NBEA: variants seen among roughly 807,000 people sequenced by gnomAD.
NBEA encodes the protein neurobeachin.
Under a neutral mutation model 343.4 loss-of-function variants are expected in NBEA, and 44 were observed. The observed-to-expected ratio is 0.13, with a 90% CI of 0.10 to 0.16. NBEA has a LOEUF of 0.16. NBEA is among the 10% of genes least tolerant of loss of function. The probability of loss-of-function intolerance (pLI) is 1.00; values close to 1 mark genes in which losing one functional copy is unlikely to be tolerated. For missense variants in NBEA, 2,555 were observed against 3,631.3 expected (o/e 0.70, Z 7.62); for synonymous variants, 1,175 against 1,238.7 (o/e 0.95, Z 1.08).
intron 10 of NBEA, among the ~76,000 whole-genome samples, chr13:35,077,005 T>G (rs2064150864): frequency 6.6e-6 from 1 of 152,076 alleles, no homozygotes. Context: ...CCAGAATACT[T>G]TTAATAGATT....
intron 44 of NBEA, among the ~76,000 whole-genome samples, chr13:35,559,070 T>G (rs1194992309): frequency 6.6e-6 from 1 of 152,208 alleles, no homozygotes. Flanking sequence ...ATTCTTCCTT[T>G]GCTATCATCC....
intron 51 of NBEA, among the ~76,000 whole-genome samples, chr13:35,647,240 T>G (rs2084279919): frequency 6.6e-6 from 1 of 152,234 alleles, no homozygotes; most frequent in East Asian, 1.9e-4. Flanking sequence ...TTTTTAAAAC[T>G]GATTTTTCAC....
At chr13:35,167,922 A>G (rs1275145162) in intron 24 of NBEA, among the ~76,000 whole-genome samples, 1 of 151,886 alleles carries the variant, frequency 6.6e-6, no homozygotes, top group African/African-American at 2.4e-5. Flanking sequence ...AGCTTAATTC[A>G]GGGCTTAATT....
At chr13:35,429,731 T>C (rs999095786) in intron 38 of NBEA, among the ~76,000 whole-genome samples, 1 of 151,862 alleles carries the variant, frequency 6.6e-6, no homozygotes, top group Non-Finnish European at 1.5e-5. Context: ...ACCTGAGCAG[T>C]GTACCCTATA....
At chr13:35,581,442 G>T (rs1333136578) in intron 45 of NBEA, among the ~76,000 whole-genome samples, 2 of 151,778 alleles carry the variant, frequency 1.3e-5, no homozygotes, top group Non-Finnish European at 2.9e-5. Flanking sequence ...GTCTGTTCAT[G>T]TCCTTCGCCC....
intron 48 of NBEA, among the ~76,000 whole-genome samples, chr13:35,618,492 ATTGT>A (rs1298057812): frequency 1.3e-5 from 2 of 151,646 alleles, no homozygotes; most frequent in Non-Finnish European, 2.9e-5. Flanking sequence ...ATTGGTTAGA[ATTGT>A]TTGTTTTGTA....
chr13:35,498,152 T>C (rs1335236225), intron 41 of NBEA, among the ~76,000 whole-genome samples: 1 of 152,052 alleles, frequency 6.6e-6, no homozygotes, highest in Non-Finnish European at 1.5e-5. Context: ...TACTTGCTTA[T>C]AAGGATATTT....
intron 38 of NBEA, among the ~76,000 whole-genome samples, chr13:35,412,336 A>G (rs1178836806): frequency 6.6e-6 from 1 of 152,104 alleles, no homozygotes; most frequent in African/African-American, 2.4e-5. Context: ...AGTGCCAGTA[A>G]ATATAGACTG....
chr13:35,111,780 T>A (rs561290488), intron 13 of NBEA, among the ~76,000 whole-genome samples: 1 of 152,078 alleles, frequency 6.6e-6, no homozygotes, highest in Admixed American at 6.6e-5. Context: ...ATATTTTAAA[T>A]TTTTTTCAGG....
At chr13:35,294,248 CT>C (rs919577927) in intron 35 of NBEA, among the ~76,000 whole-genome samples, 162 of 140,198 alleles carry the variant, frequency 1.2e-3, no homozygotes, top group African/African-American at 1.2e-3. Flanking sequence ...AAAGAACAAT[CT>C]TTTTTTTTTT....
At chr13:35,632,066 T>C (rs2083477891) in intron 49 of NBEA, among the ~76,000 whole-genome samples, 1 of 152,234 alleles carries the variant, frequency 6.6e-6, no homozygotes, top group South Asian at 2.1e-4. Flanking sequence ...GTCTAAAGTC[T>C]TGGCTTACAT....
chr13:34,946,106 A>T (rs2059176433), intron 1 of NBEA, among the ~76,000 whole-genome samples: 1 of 152,150 alleles, frequency 6.6e-6, no homozygotes, highest in Admixed American at 6.5e-5. Flanking sequence ...AATGTTAGGA[A>T]GGTAGGTAAA....
chr13:35,090,089 T>TAAATAAATAAATAAAA (rs1233605509), intron 10 of NBEA, among the ~76,000 whole-genome samples: 3 of 151,214 alleles, frequency 2.0e-5, no homozygotes, highest in African/African-American at 4.8e-5. Context: ...AATAAATAAA[T>TAAATAAATAAATAAAA]AAAAATCTGG....
intron 24 of NBEA, among the ~76,000 whole-genome samples, chr13:35,167,231 A>G (rs1333215811): frequency 2.0e-5 from 3 of 152,036 alleles, no homozygotes; most frequent in African/African-American, 7.2e-5. Context: ...GCAGCAATAG[A>G]CAATACATAA....
intron 2 of NBEA, among the ~76,000 whole-genome samples, chr13:35,041,624 G>T (rs2152558272): frequency 6.6e-6 from 1 of 151,886 alleles, no homozygotes; most frequent in South Asian, 2.1e-4. Context: ...TGTATCTTTT[G>T]GATATGTCCA....
chr13:35,032,092 A>G (rs539274625), intron 1 of NBEA, among the ~76,000 whole-genome samples: 12 of 151,886 alleles, frequency 7.9e-5, no homozygotes, highest in Non-Finnish European at 1.5e-4. Context: ...ACTATTGTTA[A>G]TAGTACTACA....
At chr13:35,638,102 A>G (rs1338427534) in intron 49 of NBEA, among the ~76,000 whole-genome samples, 1 of 152,198 alleles carries the variant, frequency 6.6e-6, no homozygotes, top group East Asian at 1.9e-4. Flanking sequence ...AGTGACCCCC[A>G]GGGACTAGAG....
chr13:35,452,033 C>A, intron 39 of NBEA, 59 bp from the exon 40 acceptor site: 2 of 1,188,760 alleles, frequency 1.7e-6, no homozygotes, highest in Non-Finnish European at 2.4e-6. Flanking sequence ...ATTTATAATA[C>A]CTACTATAAG....
chr13:35,068,990 A>C (rs566318312), intron 8 of NBEA, among the ~76,000 whole-genome samples: 2 of 152,170 alleles, frequency 1.3e-5, no homozygotes, highest in Admixed American at 6.5e-5. Flanking sequence ...ATTTAATTTA[A>C]CCTTATAACA....
Sources: allele counts gnomAD v4.1 joint callset (sites outside exome capture counted in the v4.1 genomes callset), GRCh38; gene constraint gnomAD v4.1.1; transcripts MANE v1.5; gene names NCBI Gene and HGNC (gene_info 2026-07-23, HGNC 2026-07-21).